The following PAK6 variants were observed in gnomAD, a reference collection of about 807,000 sequenced individuals.
PAK6 encodes serine/threonine-protein kinase PAK 6.
PAK6 carries 33 observed loss-of-function variants against 60.8 expected under a neutral mutation model. That is an observed-to-expected ratio of 0.54 (90% confidence interval 0.41 to 0.73). The LOEUF is 0.73. Among genes scored for constraint, PAK6 ranks in the 30% least tolerant of loss-of-function variants. The pLI is 0.00. For synonymous variants in PAK6, 404 were observed against 378.5 expected, an observed-to-expected ratio of 1.07 and a Z score of -0.78; for missense variants, 845 against 904.1, an observed-to-expected ratio of 0.93 and a Z score of 0.84.
intron 3 of PAK6, chr15:40,258,552 TC>T (rs2038899190): frequency 6.6e-6 from 1 of 152,356 alleles, no homozygotes; most frequent in Non-Finnish European, 1.5e-5. Context: ...AAAAGTTTCT[TC>T]CCTTTCTGTG....
At chr15:40,255,912 T>C (rs763701850) in intron 3 of PAK6, among the ~76,000 whole-genome samples, 1 of 152,146 alleles carries the variant, frequency 6.6e-6, no homozygotes, top group Non-Finnish European at 1.5e-5. Flanking sequence ...TGCACTACCA[T>C]CTCTTCTGGC....
At chr15:40,247,978 G>A (rs1460201459) in intron 2 of PAK6, among the ~76,000 whole-genome samples, 2 of 152,154 alleles carry the variant, frequency 1.3e-5, no homozygotes, top group African/African-American at 2.4e-5. Context: ...CCCCGTTTGG[G>A]GGTGCTGCTC....
chr15:40,242,724 C>T (rs2038390019), intron 2 of PAK6, among the ~76,000 whole-genome samples: 1 of 152,150 alleles, frequency 6.6e-6, no homozygotes, highest in African/African-American at 2.4e-5. Flanking sequence ...TGCCCTCCAC[C>T]CCACCAGAGC....
intron 3 of PAK6, among the ~76,000 whole-genome samples, chr15:40,257,383 G>A (rs2038865879): frequency 6.6e-6 from 1 of 152,224 alleles, no homozygotes; most frequent in Non-Finnish European, 1.5e-5. Context: ...CCTTCGGTGG[G>A]CTGTGTCCTT....
intron 1 of PAK6, chr15:40,240,019 G>C (rs1388999930): frequency 6.5e-6 from 1 of 153,050 alleles, no homozygotes; most frequent in Admixed American, 6.5e-5. Context: ...CCTGAGCAGG[G>C]TGAGGAGCAG....
rs11544039 is a variant in PAK6 at position 40,264,826 on chromosome 15, C to T, written c.41C>T (p.Ala14Val). The change falls in exon 4 of 11, where the codon GCG (alanine) becomes GTG (valine). Residue 14 changes from alanine to valine, a missense_variant. Coordinates refer to ENST00000560346, the Ensembl canonical transcript of PAK6. ...AAGAAGAAACGCCCTGAGATCTCAG[C>T]GCCACAGAACTTCCAGCACCGTGTC... The T allele has an allele frequency of 6.8e-4, 1,100 of 1,613,936 alleles. 1 individual carries two copies. Among genetic ancestry groups the T allele is most frequent in the Non-Finnish European group, 8.5e-4 (999 of 1,180,008 alleles).
exon 6 of PAK6, chr15:40,272,651 C>T (rs759294194): frequency 3.1e-6 from 5 of 1,606,906 alleles, no homozygotes; most frequent in East Asian, 4.5e-5. Flanking sequence ...GAGAAGCACT[C>T]GGGCCGCCAG....
intron 4 of PAK6, among the ~76,000 whole-genome samples, chr15:40,265,423 G>C (rs1038886086): frequency 5.9e-5 from 9 of 152,194 alleles, no homozygotes; most frequent in African/African-American, 2.2e-4. Flanking sequence ...TCAGGGTTTG[G>C]AGGCTGCGAA....
intron 5 of PAK6, among the ~76,000 whole-genome samples, chr15:40,270,610 G>GACAGTGTC (rs143755335): frequency 6.6e-6 from 1 of 152,356 alleles, no homozygotes; most frequent in African/African-American, 2.4e-5. Context: ...AGTGGATGGT[G>GACAGTGTC]ACAGTGTCAC....
At chr15:40,266,082 G>C (rs373280531) in exon 5 of PAK6, 1 of 1,610,018 alleles carries the variant, frequency 6.2e-7, no homozygotes, top group African/African-American at 1.3e-5. Flanking sequence ...CAGCTGCAAC[G>C]GGGGCACACC....
chr15:40,270,065 C>T (rs1025023191), intron 5 of PAK6, among the ~76,000 whole-genome samples: 2 of 152,172 alleles, frequency 1.3e-5, no homozygotes, highest in African/African-American at 4.8e-5. Context: ...TGGATGGGTG[C>T]CTGGAGAGCA....
chr15:40,275,280 G>GTTTTTTTTTTTTTTGTTTTTTTTTTT (rs1555389202), intron 10 of PAK6, among the ~76,000 whole-genome samples: 3 of 56,486 alleles, frequency 5.3e-5, no homozygotes, highest in Non-Finnish European at 9.2e-5. Context: ...GTTGTTGTTG[G>GTTTTTTTTTTTTTTGTTTTTTTTTTT]TTTTTTTTTT....
intron 5 of PAK6, among the ~76,000 whole-genome samples, chr15:40,268,047 T>C (rs1020703351): frequency 6.6e-6 from 1 of 152,162 alleles, no homozygotes; most frequent in East Asian, 1.9e-4. Context: ...CACAATGTAC[T>C]GAGTACTCAC....
At chr15:40,268,892 T>G (rs1215321583) in intron 5 of PAK6, among the ~76,000 whole-genome samples, 6 of 151,922 alleles carry the variant, frequency 3.9e-5, no homozygotes. Context: ...AGCATGGGAG[T>G]CAGCAGCCAC....
intron 2 of PAK6, chr15:40,252,542 G>A: frequency 2.2e-6 from 3 of 1,362,200 alleles, no homozygotes; most frequent in Non-Finnish European, 2.9e-6. Flanking sequence ...GCCACACCCT[G>A]AAATCAAAAT....
exon 4 of PAK6, chr15:40,264,894 C>T (rs1383390192): frequency 6.2e-7 from 1 of 1,613,926 alleles, no homozygotes; most frequent in East Asian, 2.2e-5. Context: ...TGTGGGCCTC[C>T]CCCCACAATG....
Position 40,272,641 on chromosome 15 carries a change from G to T in PAK6, c.1276G>T (p.Glu426Ter), listed in dbSNP as rs952119008. The change falls in exon 6 of 11, where the codon GAG (glutamate) becomes TAG (stop). Residue 426 changes from glutamate (E) to a stop codon, truncating the protein, a stop_gained. Coordinates refer to ENST00000560346, the Ensembl canonical transcript of PAK6. LOFTEE classifies it high-confidence loss of function. Reference sequence around the variant, plus strand: ...CACCGGCATCGTCTGCTTGGCCCGGGAGAAGCACTCGGGCCGCCAGGTGGC... The same window carrying T: ...CACCGGCATCGTCTGCTTGGCCCGGTAGAAGCACTCGGGCCGCCAGGTGGC... 1.2e-6 allele frequency: 2 copies of T among 1,608,956 alleles called. No homozygotes were observed. Among genetic ancestry groups the T allele is most frequent in the Non-Finnish European group, 1.7e-6 (2 of 1,179,358 alleles).
chr15:40,254,683 G>A (rs2038787707), intron 3 of PAK6, among the ~76,000 whole-genome samples: 1 of 152,236 alleles, frequency 6.6e-6, no homozygotes, highest in Non-Finnish European at 1.5e-5. Context: ...CATTGTGGAT[G>A]AGCCTGGAGT....
chr15:40,259,437 T>C (rs935461912), intron 3 of PAK6: 1 of 152,270 alleles, frequency 6.6e-6, no homozygotes, highest in Non-Finnish European at 1.5e-5. Flanking sequence ...TTCAGGTGGA[T>C]GAACGTCTCT....
Sources: gnomAD v4.1 joint callset for allele counts (sites outside exome capture counted in the v4.1 genomes callset) on GRCh38, gnomAD v4.1.1 for gene constraint, MANE v1.5 for transcripts, NCBI Gene and HGNC (gene_info 2026-07-23, HGNC 2026-07-21) for gene names.